SIL1: variants seen among roughly 807,000 people sequenced by gnomAD.
SIL1 encodes the protein nucleotide exchange factor SIL1.
SIL1 carries 40 observed loss-of-function variants against 49.1 expected under a neutral mutation model. The observed-to-expected ratio is 0.81, with a 90% CI of 0.63 to 1.06. The LOEUF (loss-of-function observed/expected upper bound fraction) is 1.06. SIL1 is among the 50% of genes least tolerant of loss of function. The probability of loss-of-function intolerance (pLI) is 0.00; values close to 1 mark genes in which losing one functional copy is unlikely to be tolerated. For missense variants in SIL1, 500 were observed against 572.6 expected, an observed-to-expected ratio of 0.87 and a Z score of 1.29; for synonymous variants, 253 against 250.8, an observed-to-expected ratio of 1.01 and a Z score of -0.08.
In SIL1 at chr5:139,046,089, G is replaced by A. The variant is rs1390615903; in HGVS notation, c.354-3370C>T. On this transcript the variant is annotated intron_variant, in intron 4 of 9. Transcript: ENST00000394817. ...CATGCCTGCAATTCCGGCACTTTGG[G>A]AGGCCGAGGCGGGCAGATCACGAGG... 2.0e-5 allele frequency among the ~76,000 whole-genome samples: 3 copies of A among 152,342 alleles called. No homozygotes were observed. The East Asian group carries it at 5.8e-4, about 29-fold the overall frequency.
rs111750634 is a variant in SIL1, at chr5:139,062,438, G to T, written c.245-11392C>A. On this transcript the variant is annotated intron_variant, in intron 3 of 9. Transcript: ENST00000394817. ...TTACCCAGCATGGCTTCCAGGCAAG[G>T]GTAGAAATCCCCAAGCTGCATGAAA... Among the ~76,000 whole-genome samples, 839 of 152,166 alleles carry T rather than the reference G, an allele frequency of 5.5e-3. 3 individuals carry two copies. Among genetic ancestry groups the T allele is most frequent in the African/African-American group, 0.019 (804 of 41,516 alleles).
chr5:139,024,829 C>A (rs77494410), intron 6 of SIL1, among the ~76,000 whole-genome samples: 1 of 152,330 alleles, frequency 6.6e-6, no homozygotes, highest in Non-Finnish European at 1.5e-5. Flanking sequence ...TTTTCCATGG[C>A]CTACAGGCCC....
intron 1 of SIL1, among the ~76,000 whole-genome samples, chr5:139,189,687 G>A (rs1752134100): frequency 1.3e-5 from 2 of 152,214 alleles, no homozygotes; most frequent in South Asian, 4.1e-4. Context: ...CGGGTGTGGT[G>A]GTACACATCT....
At chr5:139,010,464 G>T (rs1481624286) in intron 7 of SIL1, among the ~76,000 whole-genome samples, 3 of 152,238 alleles carry the variant, frequency 2.0e-5, no homozygotes, top group African/African-American at 7.2e-5. Context: ...CTCTCAGCTC[G>T]TCAAAGTCAT....
intron 2 of SIL1, among the ~76,000 whole-genome samples, chr5:139,124,736 A>G (rs576902947): frequency 5.9e-5 from 9 of 152,260 alleles, no homozygotes; most frequent in African/African-American, 1.9e-4. Context: ...AACAGCAGCT[A>G]CCATTTATTA....
intron 3 of SIL1, among the ~76,000 whole-genome samples, chr5:139,088,535 AG>A (rs1770275595): frequency 1.3e-5 from 2 of 152,340 alleles, no homozygotes; most frequent in Admixed American, 6.5e-5. Flanking sequence ...GTCCTTGTGA[AG>A]GAAGTCCAGT....
intron 3 of SIL1, among the ~76,000 whole-genome samples, chr5:139,056,424 C>A (rs1177111165): frequency 6.6e-6 from 1 of 151,002 alleles, no homozygotes; most frequent in African/African-American, 2.4e-5. Context: ...GTGAGGAGCC[C>A]CTCCGCCCGG....
rs918188452 is a variant in SIL1, at chr5:138,948,757, T to C, written c.1030-1284A>G. On this transcript the variant is annotated intron_variant, in intron 9 of 9. Transcript: ENST00000394817. This position sits in a 1 kb window ranked among gnomAD's most constrained non-coding sequence, Gnocchi z 4.8. ...AGTGTGTTCCCTAAAAGTTCAAGTGTTGGAAGCTTAATTCCCAAGGCAGCA... is the reference window on the plus strand; with the variant it reads ...AGTGTGTTCCCTAAAAGTTCAAGTGCTGGAAGCTTAATTCCCAAGGCAGCA... Among the ~76,000 whole-genome samples, 1 of 152,162 alleles carries C rather than the reference T, an allele frequency of 6.6e-6. No homozygotes were observed. Among genetic ancestry groups the C allele is most frequent in the African/African-American group, 2.4e-5 (1 of 41,430 alleles).
At chr5:139,152,550 G>C (rs1751325188) in intron 1 of SIL1, among the ~76,000 whole-genome samples, 1 of 151,342 alleles carries the variant, frequency 6.6e-6, no homozygotes, top group South Asian at 2.1e-4. Flanking sequence ...GAACCCAGGA[G>C]GCAGAGGTTG....
At chr5:139,086,772 C>T (rs1439798489) in intron 3 of SIL1, among the ~76,000 whole-genome samples, 2 of 151,516 alleles carry the variant, frequency 1.3e-5, no homozygotes, top group Non-Finnish European at 2.9e-5. Context: ...CCAGCCTGGC[C>T]AAAATGGTGA....
At position 138,951,878 on chromosome 5, in the gene SIL1, G is replaced by A; in HGVS notation, c.774C>T (p.Pro258=). 3 of 1,613,626 alleles carry A rather than the reference G, an allele frequency of 1.9e-6. No homozygotes were observed. The highest frequency in any genetic ancestry group is 2.5e-6 in the Non-Finnish European group (3 of 1,179,970). The part of the protein sequence containing the change: ...FVLGAAFSSN[P]KVQVEAIEGG... Reference sequence around the variant, plus strand: ...CTTCGATGGCCTCCACCTGGACCTTGGGGTTGCTGGGGAAGAAGCACAGGA... The same window carrying A: ...CTTCGATGGCCTCCACCTGGACCTTAGGGTTGCTGGGGAAGAAGCACAGGA... The change falls in exon 8 of 10, where the codon CCC becomes CCT. Residue 258 remains proline, a synonymous_variant. Transcript: ENST00000394817.
Position 139,094,906 on chromosome 5 carries a change from C to T in SIL1, c.244+26129G>A, listed in dbSNP as rs112801477. 5.8e-3 allele frequency among the ~76,000 whole-genome samples: 889 copies of T among 152,262 alleles called. 3 individuals carry two copies. The highest frequency in any genetic ancestry group is 0.02 in the African/African-American group (848 of 41,532). Reference sequence around the variant, plus strand: ...TGTTTATCAAAACCATGATAGTTTGCAGAGTACTGGTCAGGTATTTTACAG... The same window carrying T: ...TGTTTATCAAAACCATGATAGTTTGTAGAGTACTGGTCAGGTATTTTACAG... On this transcript the variant is annotated intron_variant, in intron 3 of 9. Coordinates refer to ENST00000394817, the MANE Select transcript of SIL1 (RefSeq NM_022464.5).
intron 1 of SIL1, among the ~76,000 whole-genome samples, chr5:139,171,212 C>T (rs2151815387): frequency 6.6e-6 from 1 of 152,310 alleles, no homozygotes; most frequent in African/African-American, 2.4e-5. Context: ...CCCAACAGCT[C>T]ATTGAGAACG....
chr5:139,068,688 T>C (rs1041580822), intron 3 of SIL1, among the ~76,000 whole-genome samples: 2 of 144,478 alleles, frequency 1.4e-5, no homozygotes, highest in Non-Finnish European at 3.0e-5. Flanking sequence ...GAGAAAGCAC[T>C]ATGGATTTAG....
At chr5:139,159,337 G>T (rs1351374393) in intron 1 of SIL1, among the ~76,000 whole-genome samples, 1 of 152,256 alleles carries the variant, frequency 6.6e-6, no homozygotes, top group Non-Finnish European at 1.5e-5. Flanking sequence ...AGGGCCGGAA[G>T]CCCTGCTGCT....
At chr5:139,028,444 G>C (rs1337162131) in intron 5 of SIL1, among the ~76,000 whole-genome samples, 3 of 152,156 alleles carry the variant, frequency 2.0e-5, no homozygotes, top group Non-Finnish European at 4.4e-5. Flanking sequence ...GTTGCAGTGA[G>C]CGGAGATCGT....
At chr5:139,070,152 A>C (rs1287757366) in intron 3 of SIL1, among the ~76,000 whole-genome samples, 1 of 152,228 alleles carries the variant, frequency 6.6e-6, no homozygotes, top group East Asian at 1.9e-4. Flanking sequence ...AGCACACACA[A>C]AAAAATGTTT....
In SIL1 at chr5:139,056,804, C is replaced by T. The variant is rs866349169; in HGVS notation, c.245-5758G>A. On this transcript the variant is annotated intron_variant, in intron 3 of 9. Transcript: ENST00000394817. ...GAGCCCCTCTGCCCGGCCACCACCC[C>T]GTCTGGGAGGTGTACCCAACAGCTC... Among the ~76,000 whole-genome samples, 846 of 152,126 alleles carry T rather than the reference C, an allele frequency of 5.6e-3. 4 individuals carry two copies. The highest frequency in any genetic ancestry group is 0.014 in the Middle Eastern group (4 of 292).
intron 1 of SIL1, among the ~76,000 whole-genome samples, chr5:139,164,662 G>A (rs903168887): frequency 6.6e-6 from 1 of 152,130 alleles, no homozygotes. Context: ...CCTAGGAGGT[G>A]GGTATCAGTA....
Sources: gnomAD v4.1 joint callset for allele counts (sites outside exome capture counted in the v4.1 genomes callset) on GRCh38, gnomAD v4.1.1 for gene constraint, Gnocchi (gnomAD v3.1) non-coding constraint, MANE v1.5 for transcripts, NCBI Gene and HGNC (gene_info 2026-07-23, HGNC 2026-07-21) for gene names.